MEGF11: variants seen among roughly 807,000 people sequenced by gnomAD.
The protein encoded by MEGF11 is multiple epidermal growth factor-like domains protein 11.
A neutral mutation model predicts 146.6 loss-of-function variants in MEGF11; 126 were observed. That is an observed-to-expected ratio of 0.86 (90% CI 0.74 to 1.00). MEGF11 has a LOEUF of 1.00. MEGF11 is among the 50% of genes least tolerant of loss of function. The pLI is 0.00. For synonymous variants in MEGF11, 532 were observed against 583.4 expected, an observed-to-expected ratio of 0.91 and a Z score of 1.27; for missense variants, 1,509 against 1,521.2, an observed-to-expected ratio of 0.99 and a Z score of 0.13.
At chr15:66,101,159 C>G (rs1208546121) in intron 4 of MEGF11, among the ~76,000 whole-genome samples, 2 of 151,992 alleles carry the variant, frequency 1.3e-5, no homozygotes, top group African/African-American at 4.8e-5. Flanking sequence ...ACACTTCTTC[C>G]ACATGTCAGG....
intron 1 of MEGF11, among the ~76,000 whole-genome samples, chr15:66,190,184 T>C (rs2090831514): frequency 6.6e-6 from 1 of 152,196 alleles, no homozygotes; most frequent in South Asian, 2.1e-4. Flanking sequence ...CGCTAATCTG[T>C]CTCCATTAGG....
At chr15:66,195,944 G>A (rs1038696542) in intron 1 of MEGF11, among the ~76,000 whole-genome samples, 2 of 152,188 alleles carry the variant, frequency 1.3e-5, no homozygotes, top group East Asian at 3.9e-4. Context: ...AGGCTCAAGC[G>A]GTGTCTGTAC....
intron 1 of MEGF11, among the ~76,000 whole-genome samples, chr15:66,209,908 C>T (rs1344001254): frequency 6.6e-6 from 1 of 152,000 alleles, no homozygotes; most frequent in Non-Finnish European, 1.5e-5. Flanking sequence ...CAGCCCCCAT[C>T]TCCTGGGCTC....
intron 10 of MEGF11, among the ~76,000 whole-genome samples, chr15:65,954,066 T>C (rs1170434859): frequency 6.6e-6 from 1 of 151,906 alleles, no homozygotes; most frequent in Non-Finnish European, 1.5e-5. Flanking sequence ...GCAAAACTGA[T>C]TTACTCCTCC....
rs1201676304 is a variant in MEGF11, at chr15:65,913,984, A to G, written c.2474-11T>C. The G allele has an allele frequency of 6.2e-7, 1 of 1,610,872 alleles. No homozygotes were observed. The highest frequency in any genetic ancestry group is 8.5e-7 in the Non-Finnish European group (1 of 1,177,612). On this transcript the variant is annotated splice_polypyrimidine_tract_variant and intron_variant, in intron 19 of 25. Transcript: ENST00000395614. Reference sequence around the variant, plus strand: ...CCATCATGAGGGCAGCTGCGGGCAGAGGGAGGGCCTGAGCCTGGGGCTGGC... The same window carrying G: ...CCATCATGAGGGCAGCTGCGGGCAGGGGGAGGGCCTGAGCCTGGGGCTGGC...
At chr15:66,041,005 A>ATC (rs1319442040) in intron 5 of MEGF11, among the ~76,000 whole-genome samples, 1 of 151,522 alleles carries the variant, frequency 6.6e-6, no homozygotes, top group Non-Finnish European at 1.5e-5. Context: ...TCCTGGCTAT[A>ATC]TCTCTCTCAG....
chr15:65,985,993 C>T (rs1307351524), intron 5 of MEGF11, among the ~76,000 whole-genome samples: 1 of 148,046 alleles, frequency 6.8e-6, no homozygotes, highest in African/African-American at 2.5e-5. Context: ...TTCTTGTTGC[C>T]CAGGCTGGAG....
At chr15:66,108,754 A>T (rs995109257) in intron 4 of MEGF11, among the ~76,000 whole-genome samples, 2 of 152,194 alleles carry the variant, frequency 1.3e-5, no homozygotes, top group African/African-American at 4.8e-5. Context: ...TTGCAGCATC[A>T]AGCAGCTAAC....
intron 5 of MEGF11, among the ~76,000 whole-genome samples, chr15:66,029,885 C>T (rs1292321067): frequency 6.6e-6 from 1 of 152,238 alleles, no homozygotes; most frequent in Non-Finnish European, 1.5e-5. Context: ...TGGACCTCTC[C>T]CTCCTGGTAA....
chr15:65,955,568 A>G (rs1212807653), intron 10 of MEGF11, among the ~76,000 whole-genome samples: 1 of 148,848 alleles, frequency 6.7e-6, no homozygotes, highest in Non-Finnish European at 1.5e-5. Flanking sequence ...ACATGGCAAA[A>G]CCCTGTCTCT....
chr15:66,016,081 G>T (rs2082874496), intron 5 of MEGF11, among the ~76,000 whole-genome samples: 1 of 152,034 alleles, frequency 6.6e-6, no homozygotes, highest in Non-Finnish European at 1.5e-5. Flanking sequence ...CAAAGAATTA[G>T]CTATTTATAG....
At chr15:65,919,840 G>A (rs116954973) in intron 15 of MEGF11, among the ~76,000 whole-genome samples, 9,239 of 152,194 alleles carry the variant, frequency 0.061, 333 homozygotes, top group Middle Eastern at 0.095. Flanking sequence ...GGCTGGTCTC[G>A]AACTCCTGAC....
At chr15:66,027,026 G>C (rs755432279) in intron 5 of MEGF11, among the ~76,000 whole-genome samples, 2 of 152,130 alleles carry the variant, frequency 1.3e-5, no homozygotes, top group Non-Finnish European at 2.9e-5. Flanking sequence ...CCTGTGATCC[G>C]CCTGATTATC....
chr15:65,899,728 C>T (rs144867930), intron 24 of MEGF11, among the ~76,000 whole-genome samples: 76 of 152,274 alleles, frequency 5.0e-4, no homozygotes, highest in African/African-American at 1.7e-3. Context: ...TTCTAGCAAG[C>T]CTGTAACGTG....
rs2079657327 is a variant in MEGF11 at position 65,933,622 on chromosome 15, C to T, written c.1288-2679G>A. ...ACTGGGCTGAGATGGCTTTCTGCTT[C>T]CCAGAGAAGAAAAGGGAGACTCAGA... is the stretch of plus-strand genomic sequence containing the variant. On this transcript the variant is annotated intron_variant, in intron 10 of 25. Coordinates refer to ENST00000395614, the MANE Select transcript of MEGF11 (RefSeq NM_001385028.1). 2.6e-5 allele frequency among the ~76,000 whole-genome samples: 4 copies of T among 152,290 alleles called. No individual in the cohort carries two copies. In the South Asian group the frequency reaches 8.3e-4, roughly 32 times the overall value.
intron 19 of MEGF11, among the ~76,000 whole-genome samples, chr15:65,914,550 G>T (rs17816951): frequency 6.6e-6 from 1 of 152,020 alleles, no homozygotes; most frequent in Non-Finnish European, 1.5e-5. Flanking sequence ...ATGACTGCCC[G>T]CAGGACCCCT....
chr15:66,003,878 C>A (rs910102544), intron 5 of MEGF11, among the ~76,000 whole-genome samples: 17 of 152,216 alleles, frequency 1.1e-4, no homozygotes, highest in African/African-American at 4.1e-4. Flanking sequence ...ACTCCTCCTG[C>A]TCCTGCACCC....
At chr15:66,124,246 G>A (rs1017650465) in intron 2 of MEGF11, among the ~76,000 whole-genome samples, 1 of 152,056 alleles carries the variant, frequency 6.6e-6, no homozygotes, top group Non-Finnish European at 1.5e-5. Flanking sequence ...TCTAAAATTC[G>A]AGTTCATTTG....
chr15:66,169,853 A>G (rs1433056649), intron 1 of MEGF11, among the ~76,000 whole-genome samples: 1 of 152,220 alleles, frequency 6.6e-6, no homozygotes, highest in African/African-American at 2.4e-5. Context: ...CCGGCAGGTC[A>G]CATACACACA....
Sources: allele counts gnomAD v4.1 joint callset (sites outside exome capture counted in the v4.1 genomes callset), GRCh38; gene constraint gnomAD v4.1.1; transcripts MANE v1.5; gene names NCBI Gene and HGNC (gene_info 2026-07-23, HGNC 2026-07-21).